TFB1M: variants seen among roughly 807,000 people sequenced by gnomAD.
The protein encoded by TFB1M is dimethyladenosine transferase 1, mitochondrial.
A neutral mutation model predicts 31.1 loss-of-function variants in TFB1M; 27 were observed. The ratio of observed to expected loss-of-function variants is 0.87; its 90% confidence interval spans 0.64 to 1.20. TFB1M has a LOEUF of 1.20. TFB1M is among the 50% of genes most tolerant of loss of function. The probability of loss-of-function intolerance (pLI) is 0.00; values close to 1 mark genes in which losing one functional copy is unlikely to be tolerated. For missense variants in TFB1M, 394 were observed against 418.7 expected, an observed-to-expected ratio of 0.94 and a Z score of 0.51; for synonymous variants, 166 against 151.8, an observed-to-expected ratio of 1.09 and a Z score of -0.69.
intron 2 of TFB1M, among the ~76,000 whole-genome samples, chr6:155,301,228 T>C (rs1464696104): frequency 6.6e-6 from 1 of 152,220 alleles, no homozygotes; most frequent in African/African-American, 2.4e-5. Context: ...ATTTGTAGCT[T>C]GATCTACTTT....
intron 4 of TFB1M, among the ~76,000 whole-genome samples, chr6:155,293,363 G>A (rs545535168): frequency 6.6e-6 from 1 of 152,144 alleles, no homozygotes; most frequent in Non-Finnish European, 1.5e-5. Flanking sequence ...TGTCTGCATC[G>A]GGCTTTCTAG....
chr6:155,284,393 T>A (rs1776527365), intron 5 of TFB1M, among the ~76,000 whole-genome samples: 1 of 152,200 alleles, frequency 6.6e-6, no homozygotes, highest in African/African-American at 2.4e-5. Flanking sequence ...GTGAGAAATT[T>A]CTATTCCTCA....
chr6:155,244,677 GT>G, the TFB1M span: 3 of 1,613,568 alleles, frequency 1.9e-6, no homozygotes, highest in African/African-American at 4.0e-5. Context: ...CTTTTTGGAA[GT>G]TTGCCAGAGA....
chr6:155,273,149 T>A (rs1377752023), intron 5 of TFB1M, among the ~76,000 whole-genome samples: 2 of 152,244 alleles, frequency 1.3e-5, no homozygotes, highest in African/African-American at 4.8e-5. Flanking sequence ...ATTACAAAAC[T>A]GTAAACATGT....
the TFB1M span, chr6:155,249,727 T>A: frequency 1.4e-6 from 1 of 693,094 alleles, no homozygotes; most frequent in Non-Finnish European, 2.3e-6. Context: ...CTGAATGTAA[T>A]GCTCCTGCTA....
chr6:155,235,495 C>T, the TFB1M span, among the ~76,000 whole-genome samples: 1 of 152,204 alleles, frequency 6.6e-6, no homozygotes, highest in African/African-American at 2.4e-5. Context: ...ATCAGGTTCA[C>T]CCAGAATGTC....
Position 155,260,576 on chromosome 6 carries a change from C to T in TFB1M, c.667-176G>A, listed in dbSNP as rs965773745. 16 of 765,740 alleles carry T rather than the reference C, an allele frequency of 2.1e-5. 1 individual carries two copies. The highest frequency in any genetic ancestry group is 4.6e-5 in the South Asian group (3 of 64,582). The allele number at this position is 765,740 out of a possible 1,614,324, so 47.4% of individuals were successfully genotyped here. The stretch of plus-strand genomic sequence containing the variant: ...CATGGAAGATGGTACATTCTGGATT[C>T]GCAAATGACATGGAGAAATCAGCCG... On this transcript the variant is annotated intron_variant, in intron 5 of 6. Coordinates refer to ENST00000367166, the MANE Select transcript of TFB1M (RefSeq NM_016020.4).
chr6:155,304,311 G>A (rs895561797), intron 2 of TFB1M, among the ~76,000 whole-genome samples: 6 of 151,730 alleles, frequency 4.0e-5, no homozygotes, highest in Non-Finnish European at 8.8e-5. Context: ...AAAACCAAAG[G>A]CAATACTAAC....
At chr6:155,272,913 A>T (rs988038026) in intron 5 of TFB1M, among the ~76,000 whole-genome samples, 8 of 152,204 alleles carry the variant, frequency 5.3e-5, no homozygotes, top group African/African-American at 1.7e-4. Context: ...TAATGGGAAG[A>T]AAAGGATTAT....
intron 2 of TFB1M, among the ~76,000 whole-genome samples, chr6:155,308,625 C>A (rs944594692): frequency 6.6e-6 from 1 of 152,168 alleles, no homozygotes; most frequent in African/African-American, 2.4e-5. Context: ...ACTAAACATA[C>A]TAGACATGTT....
intron 5 of TFB1M, among the ~76,000 whole-genome samples, chr6:155,279,247 A>G (rs1202168452): frequency 1.3e-5 from 2 of 151,012 alleles, no homozygotes; most frequent in Non-Finnish European, 2.9e-5. Flanking sequence ...GCACGTGTAT[A>G]TCTATACATA....
At chr6:155,291,466 T>C (rs1471054876) in intron 4 of TFB1M, among the ~76,000 whole-genome samples, 2 of 152,134 alleles carry the variant, frequency 1.3e-5, no homozygotes, top group Non-Finnish European at 2.9e-5. Context: ...GACAAAGACC[T>C]TAAGAAAAGT....
At chr6:155,279,206 TATC>T (rs1269785672) in intron 5 of TFB1M, among the ~76,000 whole-genome samples, 2 of 118,892 alleles carry the variant, frequency 1.7e-5, no homozygotes, top group Admixed American at 9.7e-5. Context: ...AGACCAAAAA[TATC>T]ATACTTTTTT....
intron 4 of TFB1M, among the ~76,000 whole-genome samples, chr6:155,295,583 T>A (rs1008310093): frequency 6.6e-6 from 1 of 152,222 alleles, no homozygotes; most frequent in Admixed American, 6.5e-5. Context: ...GAGTTCCCTT[T>A]ATTAAGTCAT....
intron 3 of TFB1M, 120 bp from the exon 4 acceptor site, chr6:155,297,224 C>T (rs911017679): frequency 1.9e-6 from 2 of 1,070,580 alleles, no homozygotes; most frequent in Non-Finnish European, 2.7e-6. Context: ...TATAAATAGA[C>T]ATGGCTAAAT....
chr6:155,249,425 T>C, the TFB1M span, among the ~76,000 whole-genome samples: 4 of 152,172 alleles, frequency 2.6e-5, no homozygotes, highest in East Asian at 7.7e-4. Flanking sequence ...CTGGCTCCAT[T>C]CTTGTGTTTT....
At chr6:155,232,681 C>A in the TFB1M span, 1 of 151,322 alleles carries the variant, frequency 6.6e-6, no homozygotes, top group African/African-American at 2.4e-5. Flanking sequence ...AGGCCTATGG[C>A]TCAACACAGA....
chr6:155,292,736 G>A (rs1776989887), intron 4 of TFB1M, among the ~76,000 whole-genome samples: 2 of 152,042 alleles, frequency 1.3e-5, no homozygotes, highest in Non-Finnish European at 2.9e-5. Flanking sequence ...ACAGAAAAAT[G>A]CAACCTATAG....
chr6:155,261,670 T>C lies in TFB1M; in HGVS notation c.667-1270A>G, dbSNP rs141444774. ...TCAAGGCCCCGGACCCCTGAGAGCT[T>C]GCACCTCCCTATTTAAACAATCAAT... On this transcript the variant is annotated intron_variant, in intron 5 of 6. Coordinates refer to ENST00000367166, the MANE Select transcript of TFB1M (RefSeq NM_016020.4). 5.9e-5 allele frequency among the ~76,000 whole-genome samples: 9 copies of C among 152,238 alleles called. No homozygotes were observed. In the East Asian group the frequency reaches 1.7e-3, roughly 29 times the overall value.
Sources: allele counts gnomAD v4.1 joint callset (sites outside exome capture counted in the v4.1 genomes callset), GRCh38; gene constraint gnomAD v4.1.1; transcripts MANE v1.5; gene names NCBI Gene and HGNC (gene_info 2026-07-23, HGNC 2026-07-21).